Variants in NPSR1 observed in about 807,000 individuals in gnomAD.
NPSR1 encodes the protein neuropeptide S receptor 1, also known as neuropeptide S receptor.
A neutral mutation model predicts 46.9 loss-of-function variants in NPSR1; 48 were observed. The observed-to-expected ratio is 1.02, with a 90% confidence interval of 0.81 to 1.30. The LOEUF is 1.30. NPSR1 is among the 50% of genes most tolerant of loss of function. The probability of loss-of-function intolerance (pLI) is 0.00; values close to 1 mark genes in which losing one functional copy is unlikely to be tolerated. For missense variants in NPSR1, 450 were observed against 449.5 expected, an observed-to-expected ratio of 1.00 and a Z score of -0.01; for synonymous variants, 176 against 168.1, an observed-to-expected ratio of 1.05 and a Z score of -0.36.
intron 3 of NPSR1, among the ~76,000 whole-genome samples, chr7:34,792,734 T>TTTTTATATATA (rs1787994356): frequency 8.1e-6 from 1 of 123,306 alleles, no homozygotes; most frequent in South Asian, 2.5e-4. Context: ...TATATATATA[T>TTTTTATATATA]TAGCCAGGCA....
chr7:34,806,714 A>G (rs536548997), intron 3 of NPSR1, among the ~76,000 whole-genome samples: 4 of 152,244 alleles, frequency 2.6e-5, no homozygotes, highest in Admixed American at 2.6e-4. Flanking sequence ...GAACTACAAG[A>G]TGTTAATGAC....
chr7:34,719,304 G>A (rs17197911), intron 2 of NPSR1: 19,985 of 152,284 alleles, frequency 0.13, 1,602 homozygotes, highest in Middle Eastern at 0.18. Flanking sequence ...TATGTGGACC[G>A]TGCACTTCTC....
At chr7:34,772,980 G>C (rs1786759573) in intron 2 of NPSR1, among the ~76,000 whole-genome samples, 1 of 152,086 alleles carries the variant, frequency 6.6e-6, no homozygotes, top group Non-Finnish European at 1.5e-5. Flanking sequence ...TTAGTTCAAT[G>C]GTACCTTTGC....
chr7:34,685,701 A>C (rs1422858213), intron 2 of NPSR1: 1 of 427,624 alleles, frequency 2.3e-6, no homozygotes, highest in East Asian at 8.2e-5. Context: ...AGAGAATCTT[A>C]GCCATACATT....
At chr7:34,845,521 G>T (rs185351642) in intron 7 of NPSR1, 99 of 454,074 alleles carry the variant, frequency 2.2e-4, no homozygotes, top group Non-Finnish European at 3.6e-4. Context: ...TCTGCTCTCC[G>T]GTGGTGCCCC....
At chr7:34,762,861 C>G (rs1276132979) in intron 2 of NPSR1, among the ~76,000 whole-genome samples, 1 of 152,104 alleles carries the variant, frequency 6.6e-6, no homozygotes, top group Non-Finnish European at 1.5e-5. Context: ...GACAAATGTT[C>G]ATGTACGAGT....
At chr7:34,798,688 T>G (rs766605009) in intron 3 of NPSR1, among the ~76,000 whole-genome samples, 10 of 152,148 alleles carry the variant, frequency 6.6e-5, no homozygotes, top group Non-Finnish European at 1.3e-4. Flanking sequence ...TTATCAAACT[T>G]ATATGCGATT....
intron 3 of NPSR1, among the ~76,000 whole-genome samples, chr7:34,803,293 A>T (rs555639785): frequency 1.8e-4 from 28 of 152,156 alleles, no homozygotes; most frequent in African/African-American, 6.0e-4. Context: ...CACTATTCAC[A>T]ATAGCAAAGA....
chr7:34,849,376 T>C (rs776222064), intron 8 of NPSR1, 189 bp from the exon 9 acceptor site: 1 of 1,552,488 alleles, frequency 6.4e-7, no homozygotes, highest in South Asian at 1.2e-5. Context: ...CTCTGGGCTC[T>C]GGTGCTGACC....
In NPSR1 at chr7:34,658,345, G is replaced by T; in HGVS notation, c.-68G>T. 6.4e-7 allele frequency: 1 copy of T among 1,572,914 alleles called. No individual in the cohort carries two copies. The highest frequency in any genetic ancestry group is 2.2e-5 in the East Asian group (1 of 44,614). On this transcript the variant is annotated 5_prime_UTR_variant, in exon 1 of 9. It adds an upstream start codon to the 5' untranslated region. Transcript: ENST00000360581. ...AGCTGCAGCTGCTGCCCAGCTCTCA[G>T]GAGGCAAGCTGGACTCCCTCACTCA...
chr7:34,783,389 T>A (rs906226565), intron 3 of NPSR1, among the ~76,000 whole-genome samples: 7 of 152,050 alleles, frequency 4.6e-5, no homozygotes, highest in Non-Finnish European at 1.0e-4. Context: ...TCAGATCTCA[T>A]GAGAACTTAC....
chr7:34,870,567 G>C (rs995385321), intron 8 of NPSR1, among the ~76,000 whole-genome samples: 9 of 151,772 alleles, frequency 5.9e-5, no homozygotes, highest in Non-Finnish European at 1.2e-4. Flanking sequence ...AATGCCTTAT[G>C]TAAATGGTTG....
rs1397724055 is a variant in NPSR1, at chr7:34,869,823, G to A, written c.1026-8253G>A. Among the ~76,000 whole-genome samples the A allele has an allele frequency of 2.6e-5, 4 of 151,842 alleles. No homozygotes were observed. The East Asian group carries it at 5.8e-4, about 22-fold the overall frequency. ...TCAGCTCTTCTGCATTCAGTGGTGTGGGCACAGGTTTTTACCAGCTCATGG... is the reference window on the plus strand; with the variant it reads ...TCAGCTCTTCTGCATTCAGTGGTGTAGGCACAGGTTTTTACCAGCTCATGG... On this transcript the variant is annotated intron_variant, in intron 8 of 8. Transcript: ENST00000359791.
At chr7:34,762,565 G>A (rs570478226) in intron 2 of NPSR1, among the ~76,000 whole-genome samples, 32 of 152,040 alleles carry the variant, frequency 2.1e-4, no homozygotes, top group African/African-American at 7.2e-4. Context: ...AGTAGAAGAG[G>A]GACCTTTATC....
intron 3 of NPSR1, among the ~76,000 whole-genome samples, chr7:34,785,021 C>T (rs1787396396): frequency 6.6e-6 from 1 of 152,010 alleles, no homozygotes; most frequent in Admixed American, 6.6e-5. Context: ...CCCAGCCATC[C>T]CATTACTGGG....
downstream of NPSR1, among the ~76,000 whole-genome samples, chr7:34,852,888 C>A (rs1220342627): frequency 6.6e-6 from 1 of 152,170 alleles, no homozygotes; most frequent in East Asian, 1.9e-4. Flanking sequence ...CTATATTCAG[C>A]CATACTATAG....
At chr7:34,660,501 C>A (rs553509750) in intron 1 of NPSR1, among the ~76,000 whole-genome samples, 4 of 151,790 alleles carry the variant, frequency 2.6e-5, no homozygotes, top group South Asian at 2.1e-4. Context: ...AGAAGAAATT[C>A]GAAACCATGC....
chr7:34,707,896 A>C (rs560927486), intron 2 of NPSR1, among the ~76,000 whole-genome samples: 1 of 152,312 alleles, frequency 6.6e-6, no homozygotes, highest in Admixed American at 6.5e-5. Flanking sequence ...CCTCTATCAA[A>C]GTGTTGGCTA....
intron 3 of NPSR1, among the ~76,000 whole-genome samples, chr7:34,787,906 T>C (rs1377531353): frequency 1.3e-5 from 2 of 151,848 alleles, no homozygotes; most frequent in African/African-American, 4.8e-5. Context: ...ATAACAATAA[T>C]GAAAAAGCTC....
Sources: allele counts gnomAD v4.1 joint callset (sites outside exome capture counted in the v4.1 genomes callset), GRCh38; gene constraint gnomAD v4.1.1; transcripts MANE v1.5; gene names NCBI Gene and HGNC (gene_info 2026-07-23, HGNC 2026-07-21).